PTPRM: variants seen among roughly 807,000 people sequenced by gnomAD.
PTPRM encodes the protein receptor-type tyrosine-protein phosphatase mu.
In PTPRM, 47 loss-of-function variants were observed where a neutral mutation model predicts 186.7. The observed-to-expected ratio is 0.25, with a 90% CI of 0.20 to 0.32. The LOEUF (loss-of-function observed/expected upper bound fraction) is 0.32, where lower values mean the gene tolerates loss of function less well. Ranked by LOEUF, PTPRM falls within the 10% of genes least tolerant of loss-of-function variation. PTPRM has a pLI of 1.00. For synonymous variants in PTPRM, 668 were observed against 674.9 expected, an observed-to-expected ratio of 0.99 and a Z score of 0.16; for missense variants, 1,494 against 1,865.0, an observed-to-expected ratio of 0.80 and a Z score of 3.66.
intron 14 of PTPRM, among the ~76,000 whole-genome samples, chr18:8,173,771 C>G (rs2093440124): frequency 6.6e-6 from 1 of 152,108 alleles, no homozygotes; most frequent in Admixed American, 6.5e-5. Context: ...AAAGACATCT[C>G]AAAAGGCCAA....
chr18:7,879,520 A>G lies in PTPRM; in HGVS notation c.197-8586A>G, dbSNP rs900832648. Among the ~76,000 whole-genome samples the G allele has an allele frequency of 7.2e-5, 11 of 152,306 alleles. No homozygotes were observed. The South Asian group carries it at 8.3e-4, about 11-fold the overall frequency. ...CAATACATAATGGGTGCTCAGATGA[A>G]TCCTGCCATGGCTAAAAGTGACTAG... On this transcript the variant is annotated intron_variant, in intron 2 of 32. Coordinates refer to ENST00000580170, the MANE Select transcript of PTPRM (RefSeq NM_001105244.2).
rs766644757 is a variant in PTPRM at position 8,088,874 on chromosome 18, G to C, written c.1856+23G>C. On this transcript the variant is annotated intron_variant, in intron 11 of 32. Transcript: ENST00000580170. ...CAGGTATGGAACAGAGGGTTGGGCCGGCTCTAGATAGAAGAAAACTAAATC... is the reference window on the plus strand; with the variant it reads ...CAGGTATGGAACAGAGGGTTGGGCCCGCTCTAGATAGAAGAAAACTAAATC... 5 of 1,537,366 alleles carry C rather than the reference G, an allele frequency of 3.3e-6. No individual in the cohort carries two copies. The Admixed American group carries it at 8.5e-5, about 26-fold the overall frequency.
chr18:8,240,476 AGGGGAG>A (rs1434274712), intron 14 of PTPRM, among the ~76,000 whole-genome samples: 2 of 38,390 alleles, frequency 5.2e-5, no homozygotes, highest in African/African-American at 2.4e-4. Context: ...GGAGGGAGGG[AGGGGAG>A]GAGAGAGAGA....
At chr18:8,010,051 A>G (rs796161600) in intron 7 of PTPRM, among the ~76,000 whole-genome samples, 10 of 152,318 alleles carry the variant, frequency 6.6e-5, no homozygotes, top group African/African-American at 2.2e-4. Flanking sequence ...CTTATATGTA[A>G]GTATCTGTTC....
intron 1 of PTPRM, among the ~76,000 whole-genome samples, chr18:7,652,405 A>G (rs1436967227): frequency 6.6e-6 from 1 of 152,146 alleles, no homozygotes; most frequent in African/African-American, 2.4e-5. Flanking sequence ...ATTACTGGGT[A>G]TATACCCAAA....
At chr18:8,298,270 T>C (rs1230674026) in intron 20 of PTPRM, among the ~76,000 whole-genome samples, 1 of 152,234 alleles carries the variant, frequency 6.6e-6, no homozygotes, top group African/African-American at 2.4e-5. Context: ...TATGACATCC[T>C]TTCCAGGAGT....
chr18:8,096,957 C>T (rs2091044668), intron 11 of PTPRM, among the ~76,000 whole-genome samples: 1 of 152,216 alleles, frequency 6.6e-6, no homozygotes, highest in Non-Finnish European at 1.5e-5. Context: ...GGACGACCAA[C>T]TCAGAAGTCC....
chr18:8,180,356 C>G (rs781402124), intron 14 of PTPRM, among the ~76,000 whole-genome samples: 1 of 152,098 alleles, frequency 6.6e-6, no homozygotes, highest in Non-Finnish European at 1.5e-5. Context: ...AGAATTTGAC[C>G]AAGGAGCATA....
intron 1 of PTPRM, among the ~76,000 whole-genome samples, chr18:7,571,607 A>G (rs2036568057): frequency 6.6e-6 from 1 of 152,244 alleles, no homozygotes; most frequent in Non-Finnish European, 1.5e-5. Context: ...TGTTTCAGCT[A>G]CAGTGGTATT....
At chr18:8,394,323 A>T (rs111624251) in intron 31 of PTPRM, among the ~76,000 whole-genome samples, 153 bp from the exon 32 acceptor site, 267 of 152,232 alleles carry the variant, frequency 1.8e-3, no homozygotes, top group African/African-American at 6.0e-3. Flanking sequence ...GTTTGCTTTA[A>T]TTAAAAGAAT....
intron 1 of PTPRM, among the ~76,000 whole-genome samples, chr18:7,659,117 TACACAC>T (rs10541547): frequency 0.032 from 4,637 of 143,972 alleles, 159 homozygotes; most frequent in African/African-American, 0.092. Flanking sequence ...CACATGTATG[TACACAC>T]ACACACACAC....
intron 2 of PTPRM, among the ~76,000 whole-genome samples, chr18:7,865,615 A>G (rs1204275808): frequency 6.6e-6 from 1 of 152,198 alleles, no homozygotes; most frequent in East Asian, 1.9e-4. Context: ...TTTCACATCA[A>G]TGTTCATCAG....
chr18:8,374,571 G>A (rs2095683988), intron 24 of PTPRM, among the ~76,000 whole-genome samples: 1 of 152,150 alleles, frequency 6.6e-6, no homozygotes, highest in Admixed American at 6.5e-5. Context: ...CATTCCCTTG[G>A]TTTTAGGGAT....
At chr18:7,660,990 A>AT (rs2038966664) in intron 1 of PTPRM, among the ~76,000 whole-genome samples, 2 of 152,074 alleles carry the variant, frequency 1.3e-5, no homozygotes, top group Non-Finnish European at 2.9e-5. Context: ...AGAAAAAAAA[A>AT]GCAAAGAAAA....
intron 1 of PTPRM, among the ~76,000 whole-genome samples, chr18:7,762,470 A>G (rs954928733): frequency 1.3e-5 from 2 of 152,182 alleles, no homozygotes; most frequent in Non-Finnish European, 2.9e-5. Flanking sequence ...GTGGCAAGGA[A>G]TGAAGATAAA....
At chr18:7,933,656 C>T (rs996075230) in intron 5 of PTPRM, among the ~76,000 whole-genome samples, 1 of 152,202 alleles carries the variant, frequency 6.6e-6, no homozygotes, top group African/African-American at 2.4e-5. Flanking sequence ...ATGGGGCTTA[C>T]TGGCTACCCA....
intron 1 of PTPRM, among the ~76,000 whole-genome samples, chr18:7,594,858 G>A (rs1316543907): frequency 6.6e-6 from 1 of 152,172 alleles, no homozygotes; most frequent in African/African-American, 2.4e-5. Context: ...ATGTATAACT[G>A]ATTTGATTTA....
intron 14 of PTPRM, among the ~76,000 whole-genome samples, chr18:8,177,737 G>A (rs2093507519): frequency 6.6e-6 from 1 of 152,218 alleles, no homozygotes; most frequent in African/African-American, 2.4e-5. Flanking sequence ...AGGGAGGAAA[G>A]TAAATAGAGT....
intron 22 of PTPRM, among the ~76,000 whole-genome samples, chr18:8,329,061 T>C (rs942979462): frequency 1.3e-5 from 2 of 152,184 alleles, no homozygotes; most frequent in African/African-American, 4.8e-5. Flanking sequence ...AGAACCAAAA[T>C]TAATACAGAA....
Sources: gnomAD v4.1 joint callset for allele counts (sites outside exome capture counted in the v4.1 genomes callset) on GRCh38, gnomAD v4.1.1 for gene constraint, MANE v1.5 for transcripts, NCBI Gene and HGNC (gene_info 2026-07-23, HGNC 2026-07-21) for gene names.